The following TCEANC2 variants were observed in gnomAD, a reference collection of about 807,000 sequenced individuals.
TCEANC2 encodes the protein transcription elongation factor A N-terminal and central domain containing 2, also known as transcription elongation factor A N-terminal and central domain-containing protein 2.
TCEANC2 carries 20 observed loss-of-function variants against 22.8 expected under a neutral mutation model. The ratio of observed to expected loss-of-function variants is 0.88; its 90% confidence interval spans 0.62 to 1.28. TCEANC2 has a LOEUF of 1.28. TCEANC2 is among the 50% of genes most tolerant of loss of function. TCEANC2 has a pLI of 0.00. For missense variants in TCEANC2, 251 were observed against 249.7 expected, an observed-to-expected ratio of 1.01 and a Z score of -0.03; for synonymous variants, 84 against 95.5, an observed-to-expected ratio of 0.88 and a Z score of 0.70.
chr1:54,093,800 C>A (rs1377644668), intron 4 of TCEANC2, among the ~76,000 whole-genome samples: 1 of 147,996 alleles, frequency 6.8e-6, no homozygotes, highest in East Asian at 2.0e-4. Flanking sequence ...TTTACAAACA[C>A]ATATACCCTT....
intron 3 of TCEANC2, among the ~76,000 whole-genome samples, chr1:54,071,528 GA>G (rs1218154026): frequency 6.6e-6 from 1 of 152,142 alleles, no homozygotes; most frequent in Non-Finnish European, 1.5e-5. Flanking sequence ...GAAAGAACAA[GA>G]AAACAAGAGA....
rs1402227104 is a variant in TCEANC2 at position 54,104,631 on chromosome 1, TC to T, written c.*8160del. ...ATCTCGGCTCACTGCAACCTCTGCCTCCTGGGTTCAAGCTATTCTCCTGCCT... is the reference window on the plus strand; with the variant it reads ...ATCTCGGCTCACTGCAACCTCTGCCTCTGGGTTCAAGCTATTCTCCTGCCT... On this transcript the variant is annotated 3_prime_UTR_variant, in exon 5 of 5. Transcript: ENST00000234827. 4 of 445,308 alleles carry T rather than the reference TC, an allele frequency of 9.0e-6. No homozygotes were observed. Among genetic ancestry groups the T allele is most frequent in the Non-Finnish European group, 1.8e-5 (4 of 219,268 alleles). 27.6% of individuals were successfully genotyped at this position (445,308 alleles called of 1,614,324 possible). A position where few individuals can be genotyped will look rare whatever the true frequency, so the allele number is the denominator to read the frequency against.
rs953174171 is a variant in TCEANC2, at chr1:54,101,921, C to A, written c.*5448C>A. On this transcript the variant is annotated 3_prime_UTR_variant, in exon 5 of 5. Coordinates refer to ENST00000234827, the MANE Select transcript of TCEANC2 (RefSeq NM_153035.3). The stretch of plus-strand genomic sequence containing the variant: ...AAGTGTTGGGATTACAGGCATGAGT[C>A]ACTTTGCCTTGCCCAGACCATTTTT... 8 of 152,222 alleles carry A rather than the reference C, an allele frequency of 5.3e-5. No individual in the cohort carries two copies. The highest frequency in any genetic ancestry group is 1.9e-4 in the African/African-American group (8 of 41,446). The allele number at this position is 152,222 out of a possible 1,614,324, so 9.4% of individuals were successfully genotyped here.
chr1:54,058,414 G>C (rs1054502961), intron 2 of TCEANC2, among the ~76,000 whole-genome samples: 1 of 152,018 alleles, frequency 6.6e-6, no homozygotes, highest in African/African-American at 2.4e-5. Flanking sequence ...CCTGTGCCCC[G>C]CTATACTCTG....
chr1:54,069,104 T>C (rs959557821), intron 3 of TCEANC2, among the ~76,000 whole-genome samples: 2 of 152,158 alleles, frequency 1.3e-5, no homozygotes, highest in Non-Finnish European at 2.9e-5. Context: ...AAATGAAATA[T>C]ACAAAATACA....
rs1357217184 is a variant in TCEANC2 at position 54,100,446 on chromosome 1, T to G, written c.*3973T>G. The G allele has an allele frequency of 6.6e-6, 1 of 152,022 alleles. No individual in the cohort carries two copies. The highest frequency in any genetic ancestry group is 1.5e-5 in the Non-Finnish European group (1 of 68,004). 9.4% of individuals were successfully genotyped at this position (152,022 alleles called of 1,614,324 possible). Reference sequence around the variant, plus strand: ...GAGTCTGGTGAGGCAGATAGACACATAACTAAATAAATAGAGTATAGCATA... The same window carrying G: ...GAGTCTGGTGAGGCAGATAGACACAGAACTAAATAAATAGAGTATAGCATA... On this transcript the variant is annotated 3_prime_UTR_variant, in exon 5 of 5. Coordinates refer to ENST00000234827, the MANE Select transcript of TCEANC2 (RefSeq NM_153035.3).
chr1:54,106,497 A>G (rs1658756273), downstream of TCEANC2, among the ~76,000 whole-genome samples: 1 of 152,164 alleles, frequency 6.6e-6, no homozygotes, highest in African/African-American at 2.4e-5. Flanking sequence ...GACATTTTAC[A>G]TTTTTTGTAC....
intron 2 of TCEANC2, among the ~76,000 whole-genome samples, chr1:54,065,286 T>A (rs1657931821): frequency 6.6e-6 from 1 of 152,106 alleles, no homozygotes. Flanking sequence ...GTATGTATCA[T>A]ACAGAAATGA....
chr1:54,087,238 G>A (rs12033409), intron 3 of TCEANC2, among the ~76,000 whole-genome samples: 44,402 of 151,760 alleles, frequency 0.29, 7,071 homozygotes, highest in Admixed American at 0.43. Flanking sequence ...GCCTTTCTAG[G>A]TATTTATTTT....
chr1:54,054,619 T>G (rs572830331), intron 2 of TCEANC2, 95 bp downstream of exon 2: 2 of 1,228,894 alleles, frequency 1.6e-6, no homozygotes, highest in African/African-American at 3.0e-5. Flanking sequence ...GAATTATTTC[T>G]TGTTATGCCT....
chr1:54,075,898 TAGCTA>T (rs1658134167), intron 3 of TCEANC2, among the ~76,000 whole-genome samples: 1 of 151,612 alleles, frequency 6.6e-6, no homozygotes, highest in East Asian at 1.9e-4. Context: ...CCTGTAGTCC[TAGCTA>T]CTCGGGAGGC....
At chr1:54,073,550 G>A (rs1056328637) in intron 3 of TCEANC2, among the ~76,000 whole-genome samples, 2 of 152,170 alleles carry the variant, frequency 1.3e-5, no homozygotes, top group Admixed American at 1.3e-4. Context: ...TTTTGTTGGG[G>A]TTAGGTGGCT....
chr1:54,109,739 C>T (rs1439223272), downstream of TCEANC2, among the ~76,000 whole-genome samples: 1 of 152,202 alleles, frequency 6.6e-6, no homozygotes, highest in Non-Finnish European at 1.5e-5. Context: ...AGCCCTCCCT[C>T]AGCCATGGGT....
chr1:54,057,347 A>ATTTTTTTTTTTTT (rs1163556776), intron 2 of TCEANC2, among the ~76,000 whole-genome samples: 1 of 85,930 alleles, frequency 1.2e-5, no homozygotes, highest in Non-Finnish European at 2.1e-5. Flanking sequence ...CACCTGGCTA[A>ATTTTTTTTTTTTT]TTTTTTTTTT....
In TCEANC2 at chr1:54,104,694, A is replaced by C; in HGVS notation, c.*8221A>C. ...GTAACTGGGATTACAGGCATGTGCC[A>C]CCATGCCCAGCTGATTTTTGTATTT... On this transcript the variant is annotated 3_prime_UTR_variant, in exon 5 of 5. Transcript: ENST00000234827. 2.3e-6 allele frequency: 1 copy of C among 433,424 alleles called. No homozygotes were observed. The highest frequency in any genetic ancestry group is 4.7e-6 in the Non-Finnish European group (1 of 212,742). The allele number at this position is 433,424 out of a possible 1,614,324, so 26.8% of individuals were successfully genotyped here.
At chr1:54,109,600 C>T (rs1658810534), downstream of TCEANC2, among the ~76,000 whole-genome samples, 1 of 152,210 alleles carries the variant, frequency 6.6e-6, no homozygotes. Context: ...TCCCTCTCCA[C>T]CTGAATGTGA....
intron 3 of TCEANC2, among the ~76,000 whole-genome samples, chr1:54,080,390 C>T (rs913766426): frequency 6.6e-6 from 1 of 152,158 alleles, no homozygotes; most frequent in Non-Finnish European, 1.5e-5. Flanking sequence ...GTGATCTCCC[C>T]ACCTCAGCCT....
intron 2 of TCEANC2, among the ~76,000 whole-genome samples, chr1:54,065,811 G>A (rs371073572): frequency 3.9e-5 from 6 of 152,210 alleles, no homozygotes; most frequent in Admixed American, 2.6e-4. Flanking sequence ...GGGCACAGTG[G>A]CTCACACTTG....
chr1:54,064,322 G>C (rs139984826), intron 2 of TCEANC2, among the ~76,000 whole-genome samples: 23 of 152,316 alleles, frequency 1.5e-4, no homozygotes, highest in Middle Eastern at 3.4e-3. Context: ...TGGACAGAAT[G>C]CGTAAAGCAA....
Sources: gnomAD v4.1 joint callset for allele counts (sites outside exome capture counted in the v4.1 genomes callset) on GRCh38, gnomAD v4.1.1 for gene constraint, MANE v1.5 for transcripts, NCBI Gene and HGNC (gene_info 2026-07-23, HGNC 2026-07-21) for gene names.